Variants in MIS18BP1 observed in about 807,000 individuals in gnomAD.
The protein encoded by MIS18BP1 is MIS18 binding protein 1.
Under a neutral mutation model 116.1 loss-of-function variants are expected in MIS18BP1, and 72 were observed. The observed-to-expected ratio is 0.62, with a 90% CI of 0.51 to 0.75. The LOEUF is 0.75. Among genes scored for constraint, MIS18BP1 ranks in the 30% least tolerant of loss-of-function variants. The pLI, the probability that MIS18BP1 is intolerant of heterozygous loss-of-function variation, is 0.00. For missense variants in MIS18BP1, 1,363 were observed against 1,303.2 expected (o/e 1.05, Z -0.71); for synonymous variants, 386 against 427.0 (o/e 0.90, Z 1.18).
At position 45,210,455 on chromosome 14, in the gene MIS18BP1, G is replaced by A; in HGVS notation, c.3077C>T (p.Ser1026Leu). 1.2e-6 allele frequency: 2 copies of A among 1,613,978 alleles called. No homozygotes were observed. Among genetic ancestry groups the A allele is most frequent in the Non-Finnish European group, 1.7e-6 (2 of 1,179,914 alleles). Residue 1026 changes from serine (S) to leucine (L), a missense_variant, in exon 14 of 17, where the codon TCA (serine) becomes TTA (leucine). Coordinates refer to ENST00000310806, the MANE Select transcript of MIS18BP1 (RefSeq NM_018353.5). ...TTTTACCAATGGAAAGATAACTGAT[G>A]ATGGAGTTGTTGGATTTTTGTCCAT... ...PNMDKNPTTP[S>L]SVIFPLVKTP... is the part of the protein sequence containing the mutation.
intron 7 of MIS18BP1, among the ~76,000 whole-genome samples, chr14:45,232,349 G>A (rs528491850): frequency 1.1e-4 from 16 of 149,748 alleles, no homozygotes; most frequent in Admixed American, 2.7e-4. Context: ...CCCCAGAGGC[G>A]GAGCTTGCAA....
chr14:45,213,137 C>T (rs542020244), intron 13 of MIS18BP1, among the ~76,000 whole-genome samples: 77 of 152,282 alleles, frequency 5.1e-4, no homozygotes, highest in African/African-American at 1.7e-3. Context: ...CTCCTAGGCT[C>T]AAGGGATCCT....
chr14:45,210,793 G>A (rs1332567114), intron 13 of MIS18BP1, among the ~76,000 whole-genome samples: 1 of 152,108 alleles, frequency 6.6e-6, no homozygotes, highest in African/African-American at 2.4e-5. Context: ...CTTGTCCTTA[G>A]GTCAAAACAA....
chr14:45,207,327 A>T (rs1383140593), intron 14 of MIS18BP1, among the ~76,000 whole-genome samples: 1 of 152,214 alleles, frequency 6.6e-6, no homozygotes. Flanking sequence ...TCTGAATCAA[A>T]CACTGCTGTA....
chr14:45,218,097 T>C (rs899112591), intron 12 of MIS18BP1, among the ~76,000 whole-genome samples, 185 bp downstream of exon 12: 1 of 152,172 alleles, frequency 6.6e-6, no homozygotes, highest in African/African-American at 2.4e-5. Flanking sequence ...AAACTACTAC[T>C]GATGGAAGCA....
At chr14:45,252,184 C>G (rs769485297) in intron 1 of MIS18BP1, among the ~76,000 whole-genome samples, 1 of 152,168 alleles carries the variant, frequency 6.6e-6, no homozygotes, top group Non-Finnish European at 1.5e-5. Context: ...AGGCAACAGT[C>G]TACACACCCA....
chr14:45,231,456 T>C, intron 7 of MIS18BP1, 158 bp from the exon 8 acceptor site: 1 of 584,504 alleles, frequency 1.7e-6, no homozygotes, highest in Non-Finnish European at 2.9e-6. Flanking sequence ...TGGCTTTCAC[T>C]CCCTTCCTTC....
chr14:45,233,646 T>G (rs1426808557), intron 6 of MIS18BP1, among the ~76,000 whole-genome samples: 2 of 152,156 alleles, frequency 1.3e-5, no homozygotes, highest in African/African-American at 4.8e-5. Flanking sequence ...ATTTTGGAGA[T>G]ATATTAATAG....
At position 45,218,272 on chromosome 14, in the gene MIS18BP1, C is replaced by A; in HGVS notation, c.2842+10G>T. Reference sequence around the variant, plus strand: ...GTACTAGGAAAAAAACTATTTACTACGAAGGTTACCATTTTGGCCTTTGGA... The same window carrying A: ...GTACTAGGAAAAAAACTATTTACTAAGAAGGTTACCATTTTGGCCTTTGGA... On this transcript the variant is annotated intron_variant, in intron 12 of 16. Transcript: ENST00000310806. The A allele has an allele frequency of 6.2e-7, 1 of 1,612,540 alleles. No homozygotes were observed. Among genetic ancestry groups the A allele is most frequent in the Non-Finnish European group, 8.5e-7 (1 of 1,179,560 alleles).
intron 7 of MIS18BP1, 109 bp from the exon 8 acceptor site, chr14:45,231,407 C>T: frequency 1.1e-6 from 1 of 929,874 alleles, no homozygotes; most frequent in Non-Finnish European, 1.6e-6. Context: ...TCTTTCCACC[C>T]AGGCAGGGTA....
chr14:45,232,747 A>G lies in MIS18BP1; in HGVS notation c.1422T>C (p.Phe474=). 6.8e-7 allele frequency: 1 copy of G among 1,460,728 alleles called. No homozygotes were observed. Among genetic ancestry groups the G allele is most frequent in the South Asian group, 1.3e-5 (1 of 78,642 alleles). 90.5% of individuals were successfully genotyped at this position (1,460,728 alleles called of 1,614,324 possible). ...PENWKEHIDN[F]LEQLRAGEKN... The stretch of plus-strand genomic sequence containing the variant: ...CAACATTTTACCTTAATTGTTCCAG[A>G]AAATTATCAATGTGCTCTTTCCAAT... Residue 474 remains phenylalanine, a synonymous_variant, in exon 7 of 17, where the codon TTT becomes TTC. Coordinates refer to ENST00000310806, the MANE Select transcript of MIS18BP1 (RefSeq NM_018353.5).
At chr14:45,231,001 A>C (rs934804568) in intron 8 of MIS18BP1, 140 bp downstream of exon 8, 8 of 736,882 alleles carry the variant, frequency 1.1e-5, no homozygotes, top group African/African-American at 1.8e-5. Context: ...AGTAGTGAAG[A>C]AGCAGGAATG....
chr14:45,251,887 A>G (rs925942308), intron 1 of MIS18BP1, among the ~76,000 whole-genome samples: 13 of 152,238 alleles, frequency 8.5e-5, no homozygotes, highest in Non-Finnish European at 1.8e-4. Flanking sequence ...TATGCATACT[A>G]TTGACACGGA....
Position 45,249,172 on chromosome 14 carries a change from A to T in MIS18BP1, c.-91-1795T>A, listed in dbSNP as rs187757857. Among the ~76,000 whole-genome samples the T allele has an allele frequency of 3.3e-5, 5 of 152,068 alleles. No individual in the cohort carries two copies. The East Asian group carries it at 9.7e-4, about 29-fold the overall frequency. Reference sequence around the variant, plus strand: ...AGTGATGCGATCTTGACTCACTGCAATCTCCACCTCATGGGTTCAAGCAAT... The same window carrying T: ...AGTGATGCGATCTTGACTCACTGCATTCTCCACCTCATGGGTTCAAGCAAT... On this transcript the variant is annotated intron_variant, in intron 1 of 16. Coordinates refer to ENST00000310806, the MANE Select transcript of MIS18BP1 (RefSeq NM_018353.5).
Position 45,242,805 on chromosome 14 carries a change from T to A in MIS18BP1, c.614A>T (p.Gln205Leu), listed in dbSNP as rs1457512902. 6.2e-7 allele frequency: 1 copy of A among 1,613,682 alleles called. No homozygotes were observed. Among genetic ancestry groups the A allele is most frequent in the African/African-American group, 1.3e-5 (1 of 75,050 alleles). ...DIFLPVKQKIQCQQEKKAPLH... is the reference protein window; with the variant it reads ...DIFLPVKQKILCQQEKKAPLH... ...TGGTGCTTTCTTTTCCTGCTGGCAC[T>A]GAATCTTTTGTTTGACCGGGAGGAA... Residue 205 changes from glutamine (Q) to leucine (L), a missense_variant, in exon 3 of 17, where the codon CAG becomes CTG. Coordinates refer to ENST00000310806, the MANE Select transcript of MIS18BP1 (RefSeq NM_018353.5).
In MIS18BP1 at chr14:45,206,122, A is replaced by G. The variant is rs201412797; in HGVS notation, c.3201T>C (p.Ser1067=). 1.3e-5 allele frequency: 21 copies of G among 1,609,226 alleles called. No individual in the cohort carries two copies. Among genetic ancestry groups the G allele is most frequent in the African/African-American group, 2.7e-5 (2 of 74,874 alleles). ...YVFRMQKYHK[S]NGGIVWGNIK... ...TGTTGCCCCAGACAATACCACCATT[A>G]CTTTTATGATATTTTTGCATACGAA... Residue 1067 remains serine (S), a synonymous_variant, in exon 15 of 17, where the codon AGT becomes AGC. Coordinates refer to ENST00000310806, the MANE Select transcript of MIS18BP1 (RefSeq NM_018353.5).
chr14:45,235,042 A>G (rs1297856897), intron 6 of MIS18BP1, among the ~76,000 whole-genome samples: 1 of 151,904 alleles, frequency 6.6e-6, no homozygotes, highest in African/African-American at 2.4e-5. Context: ...ACATGGTGAC[A>G]CCCTGTCTCA....
Position 45,226,755 on chromosome 14 carries a change from T to A in MIS18BP1, c.1828A>T (p.Ser610Cys). The A allele has an allele frequency of 7.2e-7, 1 of 1,397,104 alleles. No individual in the cohort carries two copies. Among genetic ancestry groups the A allele is most frequent in the African/African-American group, 1.5e-5 (1 of 67,814 alleles). 86.5% of individuals were successfully genotyped at this position (1,397,104 alleles called of 1,614,324 possible). Reference sequence around the variant, plus strand: ...AAAGATATATTACCTTGCTTCTGACTTTTTATTATCCTTTCATTTGTTCTT... The same window carrying A: ...AAAGATATATTACCTTGCTTCTGACATTTTATTATCCTTTCATTTGTTCTT... ...GERTNERIIK[S>C]QKQETTEELD... is the part of the protein sequence containing the mutation. The change falls in exon 10 of 17, where the codon AGT (serine) becomes TGT (cysteine). Residue 610 changes from serine to cysteine, a missense_variant. Coordinates refer to ENST00000310806, the MANE Select transcript of MIS18BP1 (RefSeq NM_018353.5).
chr14:45,248,054 CG>C (rs1246322801), intron 1 of MIS18BP1, among the ~76,000 whole-genome samples: 15 of 108,756 alleles, frequency 1.4e-4, no homozygotes, highest in Admixed American at 8.3e-4. Context: ...TTGTTTCTTT[CG>C]TTTTTTTTTT....
Sources: allele counts gnomAD v4.1 joint callset (sites outside exome capture counted in the v4.1 genomes callset), GRCh38; gene constraint gnomAD v4.1.1; transcripts MANE v1.5; gene names NCBI Gene and HGNC (gene_info 2026-07-23, HGNC 2026-07-21).